RIMKLB: variants seen among roughly 807,000 people sequenced by gnomAD.
The protein encoded by RIMKLB is ribosomal modification protein rimK like family member B, also known as beta-citrylglutamate synthase B.
In RIMKLB, 7 loss-of-function variants were observed where a neutral mutation model predicts 32.0. That is an observed-to-expected ratio of 0.22 (90% CI 0.12 to 0.41). The LOEUF is 0.41. Ranked by LOEUF, RIMKLB falls within the 10% of genes least tolerant of loss-of-function variation. The pLI, the probability that RIMKLB is intolerant of heterozygous loss-of-function variation, is 1.00. For synonymous variants in RIMKLB, 172 were observed against 185.1 expected (o/e 0.93, Z 0.57); for missense variants, 289 against 498.7 (o/e 0.58, Z 4.00).
chr12:8,717,140 T>C (rs982961740), intron 2 of RIMKLB, among the ~76,000 whole-genome samples: 1 of 151,808 alleles, frequency 6.6e-6, no homozygotes, highest in African/African-American at 2.4e-5. Context: ...ATTACCATTA[T>C]GCAGATGAGG....
At chr12:8,704,610 G>A (rs1397589487) in intron 1 of RIMKLB, among the ~76,000 whole-genome samples, 1 of 152,118 alleles carries the variant, frequency 6.6e-6, no homozygotes, top group Non-Finnish European at 1.5e-5. Flanking sequence ...TATGATAATG[G>A]CTTGGGTGCA....
At chr12:8,725,372 G>A (rs998697671) in intron 2 of RIMKLB, among the ~76,000 whole-genome samples, 19 of 152,180 alleles carry the variant, frequency 1.2e-4, no homozygotes, top group African/African-American at 4.3e-4. Flanking sequence ...CCACCTCCCC[G>A]GTTCCAGCGA....
chr12:8,752,168 C>A, intron 4 of RIMKLB, 125 bp downstream of exon 4: 1 of 643,886 alleles, frequency 1.6e-6, no homozygotes, highest in East Asian at 2.7e-5. Flanking sequence ...TTACAGAAGG[C>A]TACTATGAGT....
chr12:8,725,530 TC>T (rs1293999401), intron 2 of RIMKLB, among the ~76,000 whole-genome samples: 1 of 152,150 alleles, frequency 6.6e-6, no homozygotes, highest in Non-Finnish European at 1.5e-5. Flanking sequence ...TTTCAAGTCA[TC>T]CTAGAGTTGC....
At chr12:8,745,676 G>A (rs1280659539) in intron 2 of RIMKLB, among the ~76,000 whole-genome samples, 1 of 150,526 alleles carries the variant, frequency 6.6e-6, no homozygotes, top group Non-Finnish European at 1.5e-5. Flanking sequence ...TTACAGGCGT[G>A]AGCCACTGCA....
intron 2 of RIMKLB, among the ~76,000 whole-genome samples, chr12:8,736,955 G>A (rs1268200001): frequency 2.0e-5 from 3 of 152,002 alleles, no homozygotes; most frequent in Admixed American, 1.3e-4. Context: ...GGGATTACAG[G>A]CATGTGCCAC....
chr12:8,685,599 ATGACAGATAC>A (rs1188988545), intron 1 of RIMKLB, among the ~76,000 whole-genome samples: 1 of 151,632 alleles, frequency 6.6e-6, no homozygotes, highest in East Asian at 1.9e-4. Flanking sequence ...ATCTTTATTT[ATGACAGATAC>A]TTTAATATCC....
In RIMKLB at chr12:8,773,284, T is replaced by C. The variant is rs769884115; in HGVS notation, c.698-37T>C. ...ACTTTAATTTTATTTCAAAAGTTTATGATTTTGTTAATTTCCTGTCTTGTT... is the reference window on the plus strand; with the variant it reads ...ACTTTAATTTTATTTCAAAAGTTTACGATTTTGTTAATTTCCTGTCTTGTT... On this transcript the variant is annotated intron_variant, in intron 5 of 5. Transcript: ENST00000535829. 3 of 1,436,620 alleles carry C rather than the reference T, an allele frequency of 2.1e-6. No homozygotes were observed. In the Admixed American group the frequency reaches 5.4e-5, roughly 26 times the overall value. The allele number at this position is 1,436,620 out of a possible 1,614,324, so 89.0% of individuals were successfully genotyped here.
chr12:8,714,082 G>T, intron 2 of RIMKLB, 41 bp downstream of exon 2: 1 of 1,527,106 alleles, frequency 6.5e-7, no homozygotes, highest in Non-Finnish European at 9.1e-7. Flanking sequence ...TTTTTACCTA[G>T]AATATGATGA....
chr12:8,742,408 C>T (rs1947642841), intron 2 of RIMKLB: 2 of 283,786 alleles, frequency 7.0e-6, no homozygotes, highest in African/African-American at 2.3e-5. Flanking sequence ...CTCATTGTAA[C>T]TTACAGGGAA....
intron 2 of RIMKLB, among the ~76,000 whole-genome samples, chr12:8,720,722 T>A (rs750187510): frequency 6.6e-6 from 1 of 152,122 alleles, no homozygotes; most frequent in Non-Finnish European, 1.5e-5. Context: ...GCATTTTTGG[T>A]AGAGATGGGG....
the RIMKLB span, among the ~76,000 whole-genome samples, chr12:8,676,223 C>T: frequency 6.6e-6 from 1 of 151,704 alleles, no homozygotes; most frequent in African/African-American, 2.4e-5. Flanking sequence ...CAAGCGTATA[C>T]CACCACACTC....
Position 8,737,622 on chromosome 12 carries a change from ATGT to A in RIMKLB, c.176-12235_176-12233del, listed in dbSNP as rs1437897272. Among the ~76,000 whole-genome samples, 4 of 152,212 alleles carry A rather than the reference ATGT, an allele frequency of 2.6e-5. No homozygotes were observed. The South Asian group carries it at 6.2e-4, about 24-fold the overall frequency. On this transcript the variant is annotated intron_variant, in intron 2 of 5. Coordinates refer to ENST00000535829, the MANE Select transcript of RIMKLB (RefSeq NM_001297776.2). Reference sequence around the variant, plus strand: ...ATGAATCTTGCCTCAATCAATTATGATGTTGTTACAAAATGGATTTTCCCCCCC... The same window carrying A: ...ATGAATCTTGCCTCAATCAATTATGATGTTACAAAATGGATTTTCCCCCCC...
chr12:8,725,960 G>C (rs1945953851), intron 2 of RIMKLB, among the ~76,000 whole-genome samples: 1 of 152,184 alleles, frequency 6.6e-6, no homozygotes. Context: ...CGATTCTCCT[G>C]TCTCAGCCTC....
In RIMKLB at chr12:8,741,974, C is replaced by T. The variant is rs778701710; in HGVS notation, c.176-7888C>T. On this transcript the variant is annotated intron_variant, in intron 2 of 5. Coordinates refer to ENST00000535829, the MANE Select transcript of RIMKLB (RefSeq NM_001297776.2). ...GTCTTGCTCTTGTGCAATCTTGGCT[C>T]ACTGCAACTTCCGCCTCCCAGGTTC... Among the ~76,000 whole-genome samples, 3 of 149,274 alleles carry T rather than the reference C, an allele frequency of 2.0e-5. No homozygotes were observed. In the East Asian group the frequency reaches 5.8e-4, roughly 29 times the overall value.
In RIMKLB at chr12:8,748,704, C is replaced by A. The variant is rs193100060; in HGVS notation, c.176-1158C>A. ...CATGCCTGTAAGCATTTTGGGAGGC[C>A]GAGGCAGGCAGATCACAATGTCAGA... On this transcript the variant is annotated intron_variant, in intron 2 of 5. Coordinates refer to ENST00000535829, the MANE Select transcript of RIMKLB (RefSeq NM_001297776.2). 9.3e-4 allele frequency among the ~76,000 whole-genome samples: 140 copies of A among 151,284 alleles called. 2 individuals carry two copies. The East Asian group carries it at 0.017, about 18-fold the overall frequency.
At chr12:8,698,399 G>T (rs1943046100) in intron 1 of RIMKLB, 102 bp downstream of exon 1, 1 of 172,112 alleles carries the variant, frequency 5.8e-6, no homozygotes, top group Non-Finnish European at 1.3e-5. Flanking sequence ...CCGATTAGCG[G>T]GGGCTGGGCC....
intron 1 of RIMKLB, among the ~76,000 whole-genome samples, chr12:8,703,481 A>G (rs540921988): frequency 5.9e-4 from 90 of 152,214 alleles, no homozygotes; most frequent in Non-Finnish European, 1.1e-3. Context: ...GCCTGTGCCA[A>G]CATACCCGGC....
At chr12:8,688,984 G>A (rs1942659061) in intron 1 of RIMKLB, among the ~76,000 whole-genome samples, 1 of 151,992 alleles carries the variant, frequency 6.6e-6, no homozygotes, top group African/African-American at 2.4e-5. Context: ...ACAGGTGCCC[G>A]ACACCACACC....
Sources: gnomAD v4.1 joint callset for allele counts (sites outside exome capture counted in the v4.1 genomes callset) on GRCh38, gnomAD v4.1.1 for gene constraint, MANE v1.5 for transcripts, NCBI Gene and HGNC (gene_info 2026-07-23, HGNC 2026-07-21) for gene names.